TMOD3: variants seen among roughly 807,000 people sequenced by gnomAD.
TMOD3 encodes tropomodulin-3.
In TMOD3, 20 loss-of-function variants were observed where a neutral mutation model predicts 39.2. That is an observed-to-expected ratio of 0.51 (90% CI 0.36 to 0.74). The LOEUF (loss-of-function observed/expected upper bound fraction) is 0.74, where lower values mean the gene tolerates loss of function less well. Among genes scored for constraint, TMOD3 ranks in the 30% least tolerant of loss-of-function variants. The pLI is 0.00. For missense variants in TMOD3, 381 were observed against 412.8 expected (o/e 0.92, Z 0.67); for synonymous variants, 143 against 145.8 (o/e 0.98, Z 0.14).
intron 1 of TMOD3, among the ~76,000 whole-genome samples, chr15:51,838,109 G>A (rs1156971046): frequency 6.6e-6 from 1 of 152,016 alleles, no homozygotes; most frequent in African/African-American, 2.4e-5. Flanking sequence ...TGTGAAGATC[G>A]CTCCTTTCCC....
intron 1 of TMOD3, among the ~76,000 whole-genome samples, chr15:51,833,669 A>G (rs2056267170): frequency 6.6e-6 from 1 of 152,152 alleles, no homozygotes; most frequent in Admixed American, 6.5e-5. Flanking sequence ...AGATTCATCT[A>G]TGTTGTTGGC....
intron 6 of TMOD3, among the ~76,000 whole-genome samples, chr15:51,895,350 C>T (rs1451782150): frequency 6.6e-6 from 1 of 151,466 alleles, no homozygotes; most frequent in Non-Finnish European, 1.5e-5. Flanking sequence ...CTCCTGAATA[C>T]CTGGGATTAC....
At chr15:51,900,384 C>T (rs868117673) in intron 8 of TMOD3, 86 bp downstream of exon 8, 12 of 1,498,038 alleles carry the variant, frequency 8.0e-6, no homozygotes, top group East Asian at 6.8e-5. Context: ...GGATGGGAGG[C>T]GGGCTGTCAG....
intron 5 of TMOD3, among the ~76,000 whole-genome samples, chr15:51,890,667 A>G (rs1433326988): frequency 6.6e-6 from 1 of 152,104 alleles, no homozygotes; most frequent in Non-Finnish European, 1.5e-5. Context: ...AAGGATTTTA[A>G]CCCGTGTTAT....
At chr15:51,851,659 G>A (rs1443269657) in intron 1 of TMOD3, among the ~76,000 whole-genome samples, 1 of 152,146 alleles carries the variant, frequency 6.6e-6, no homozygotes, top group Non-Finnish European at 1.5e-5. Flanking sequence ...GGTAGCATAG[G>A]GCAATGTTCA....
chr15:51,879,855 T>TTC (rs1352481453), intron 3 of TMOD3, among the ~76,000 whole-genome samples: 2 of 23,164 alleles, frequency 8.6e-5, no homozygotes, highest in African/African-American at 2.1e-4. Flanking sequence ...CTCTCTGTCT[T>TTC]TCACACACAC....
At chr15:51,859,929 A>G (rs17611465) in intron 1 of TMOD3, 20,858 of 544,232 alleles carry the variant, frequency 0.038, 508 homozygotes, top group Non-Finnish European at 0.051. Flanking sequence ...GTTCTTTCCA[A>G]CCTCTTCCCT....
In TMOD3 at chr15:51,860,871, G is replaced by A. The variant is rs1422280408; in HGVS notation, c.-74-1940G>A. The A allele has an allele frequency of 1.3e-5, 5 of 381,130 alleles. No homozygotes were observed. The East Asian group carries it at 3.4e-4, about 26-fold the overall frequency. The allele number at this position is 381,130 out of a possible 1,614,324, so 23.6% of individuals were successfully genotyped here. A position where few individuals can be genotyped will look rare whatever the true frequency, so the allele number is the denominator to read the frequency against. ...GAATTGCTTGAACCCAGGAGGCAGA[G>A]GTTGCAGTGAGCCGAGGTCATGCCA... On this transcript the variant is annotated intron_variant, in intron 1 of 9. Transcript: ENST00000308580.
intron 3 of TMOD3, among the ~76,000 whole-genome samples, chr15:51,886,539 G>A (rs117584867): frequency 0.018 from 2,815 of 152,312 alleles, 87 homozygotes; most frequent in Admixed American, 0.075. Context: ...GGCGGTGCGC[G>A]CCCGCATTCC....
intron 1 of TMOD3, among the ~76,000 whole-genome samples, chr15:51,847,330 A>G (rs995152613): frequency 1.3e-5 from 2 of 152,238 alleles, no homozygotes; most frequent in African/African-American, 2.4e-5. Context: ...TCTGCAATCT[A>G]TAAATTTCAT....
At chr15:51,886,003 G>A (rs1212166970) in intron 3 of TMOD3, among the ~76,000 whole-genome samples, 8 of 146,958 alleles carry the variant, frequency 5.4e-5, no homozygotes, top group East Asian at 4.1e-4. Context: ...CTGGCCAGGC[G>A]GAGACGCTCC....
intron 5 of TMOD3, 77 bp from the exon 6 acceptor site, chr15:51,893,738 C>G (rs1357243581): frequency 1.5e-5 from 20 of 1,364,012 alleles, no homozygotes; most frequent in Non-Finnish European, 1.8e-5. Context: ...GCACTCCGGC[C>G]TGGGCGAAAG....
chr15:51,876,820 T>C (rs2056506707), intron 3 of TMOD3, among the ~76,000 whole-genome samples: 1 of 152,062 alleles, frequency 6.6e-6, no homozygotes, highest in East Asian at 1.9e-4. Context: ...ACACCTGTAA[T>C]TGCGGCACTG....
intron 1 of TMOD3, chr15:51,860,986 T>C: frequency 1.8e-6 from 1 of 566,322 alleles, no homozygotes; most frequent in Admixed American, 2.2e-5. Context: ...ACATCGTCTT[T>C]CCTCTTTGCT....
intron 3 of TMOD3, among the ~76,000 whole-genome samples, chr15:51,874,201 G>GT (rs1049445050): frequency 5.3e-5 from 8 of 152,056 alleles, no homozygotes; most frequent in African/African-American, 7.2e-5. Flanking sequence ...GCTAAAAAAT[G>GT]TTTTTTAGAA....
intron 1 of TMOD3, among the ~76,000 whole-genome samples, chr15:51,839,401 G>A (rs1465177458): frequency 2.0e-5 from 3 of 151,908 alleles, no homozygotes; most frequent in African/African-American, 7.3e-5. Context: ...AAACTCCTGG[G>A]CTCAAGCAGT....
At chr15:51,873,790 T>A (rs2141692018) in intron 3 of TMOD3, among the ~76,000 whole-genome samples, 1 of 152,220 alleles carries the variant, frequency 6.6e-6, no homozygotes, top group African/African-American at 2.4e-5. Flanking sequence ...CCTGGCTAAT[T>A]TTTGTATTTT....
At chr15:51,850,121 G>A (rs1208987302) in intron 1 of TMOD3, among the ~76,000 whole-genome samples, 4 of 152,158 alleles carry the variant, frequency 2.6e-5, no homozygotes, top group African/African-American at 9.7e-5. Context: ...CTGTAAAGTG[G>A]AGCCAAGAAG....
chr15:51,872,100 G>A (rs1009516864), intron 3 of TMOD3, among the ~76,000 whole-genome samples: 45 of 152,100 alleles, frequency 3.0e-4, no homozygotes, highest in Admixed American at 2.0e-4. Flanking sequence ...TTCAGGTAAC[G>A]ATAACATCAG....
Sources: allele counts gnomAD v4.1 joint callset (sites outside exome capture counted in the v4.1 genomes callset), GRCh38; gene constraint gnomAD v4.1.1; transcripts MANE v1.5; gene names NCBI Gene and HGNC (gene_info 2026-07-23, HGNC 2026-07-21).